DPYS: variants seen among roughly 807,000 people sequenced by gnomAD.
DPYS encodes dihydropyrimidine amidohydrolase.
DPYS carries 39 observed loss-of-function variants against 50.3 expected under a neutral mutation model. The ratio of observed to expected loss-of-function variants is 0.78; its 90% confidence interval spans 0.60 to 1.01. The LOEUF (loss-of-function observed/expected upper bound fraction) is 1.01, where lower values mean the gene tolerates loss of function less well. Among genes scored for constraint, DPYS ranks in the 50% least tolerant of loss-of-function variants. The pLI, the probability that DPYS is intolerant of heterozygous loss-of-function variation, is 0.00. For synonymous variants in DPYS, 245 were observed against 250.7 expected (o/e 0.98, Z 0.22); for missense variants, 659 against 680.9 (o/e 0.97, Z 0.36).
At chr8:104,444,700 CT>C (rs927602624) in intron 3 of DPYS, among the ~76,000 whole-genome samples, 11 of 151,758 alleles carry the variant, frequency 7.2e-5, no homozygotes, top group Middle Eastern at 6.8e-3. Flanking sequence ...TTTACCATCA[CT>C]TTTTTTTATT....
chr8:104,424,850 G>GA lies in DPYS; in HGVS notation c.1093-462dup, dbSNP rs762839487. Reference sequence around the variant, plus strand: ...ACTTTTTTTTTTTTTTTTTGAGATGGAATTTCACTCTCGTTGCCCAGGCTG... The same window carrying GA: ...ACTTTTTTTTTTTTTTTTTGAGATGGAAATTTCACTCTCGTTGCCCAGGCTG... On this transcript the variant is annotated intron_variant, in intron 6 of 9. Coordinates refer to ENST00000351513, the MANE Select transcript of DPYS (RefSeq NM_001385.3). Among the ~76,000 whole-genome samples the GA allele has an allele frequency of 1.1e-3, 155 of 145,654 alleles. 1 individual carries two copies. Among genetic ancestry groups the GA allele is most frequent in the Non-Finnish European group, 1.6e-3 (106 of 66,866 alleles).
At chr8:104,440,110 A>C (rs1289107533) in intron 4 of DPYS, among the ~76,000 whole-genome samples, 1 of 151,362 alleles carries the variant, frequency 6.6e-6, no homozygotes, top group Admixed American at 6.6e-5. Context: ...AAAACCTGAA[A>C]TAAGATAAAA....
At chr8:104,424,521 A>G in intron 6 of DPYS, 132 bp from the exon 7 acceptor site, 1 of 954,196 alleles carries the variant, frequency 1.0e-6, no homozygotes. Flanking sequence ...GCATCTGAGG[A>G]TGCTGGTAAG....
Position 104,444,427 on chromosome 8 carries a change from T to A in DPYS, c.614A>T (p.Lys205Met). 6.2e-7 allele frequency: 1 copy of A among 1,614,206 alleles called. No homozygotes were observed. The highest frequency in any genetic ancestry group is 8.5e-7 in the Non-Finnish European group (1 of 1,180,038). Residue 205 changes from lysine (K) to methionine (M), a missense_variant, in exon 4 of 10, where the codon AAG (lysine) becomes ATG (methionine). Coordinates refer to ENST00000351513, the MANE Select transcript of DPYS (RefSeq NM_001385.3). ...GCCTGTTATCCCCAGAGCCAACATC[T>A]TCTTTGCTCCCTAAAAAGACAGCAG... ...NGDLIAEGAK[K>M]MLALGITGPE...
chr8:104,464,841 A>G (rs1368980426), intron 1 of DPYS, among the ~76,000 whole-genome samples: 1 of 152,230 alleles, frequency 6.6e-6, no homozygotes, highest in African/African-American at 2.4e-5. Context: ...TTGTTTTGAT[A>G]GCTAAAAAAT....
chr8:104,460,732 A>G (rs959338890), intron 1 of DPYS, among the ~76,000 whole-genome samples: 2 of 152,220 alleles, frequency 1.3e-5, no homozygotes, highest in Non-Finnish European at 2.9e-5. Flanking sequence ...CCAAAGCTTT[A>G]GTTAGCATCA....
intron 5 of DPYS, 97 bp from the exon 6 acceptor site, chr8:104,428,218 A>C (rs1812804993): frequency 6.5e-7 from 1 of 1,534,770 alleles, no homozygotes; most frequent in South Asian, 1.1e-5. Context: ...CTCCCTTCTC[A>C]ATTGAAGTCA....
rs185595271 is a variant in DPYS, at chr8:104,429,755, A to G, written c.794-54T>C. ...CTTTAATTTTATTCTTAAGAGGACC[A>G]TATGACAAACACATAAATATTAATC... On this transcript the variant is annotated intron_variant, in intron 4 of 9. Transcript: ENST00000351513. 1,764 of 1,606,746 alleles carry G rather than the reference A, an allele frequency of 1.1e-3. 1 individual carries two copies. Among genetic ancestry groups the G allele is most frequent in the Non-Finnish European group, 1.4e-3 (1,659 of 1,174,252 alleles).
intron 2 of DPYS, 52 bp from the exon 3 acceptor site, chr8:104,447,555 T>A (rs1191610054): frequency 6.3e-7 from 1 of 1,592,182 alleles, no homozygotes; most frequent in Non-Finnish European, 8.6e-7. Flanking sequence ...ATTTAAATGA[T>A]AATTTCAACC....
intron 7 of DPYS, among the ~76,000 whole-genome samples, chr8:104,407,023 C>T (rs1268185848): frequency 6.6e-6 from 1 of 152,210 alleles, no homozygotes; most frequent in East Asian, 1.9e-4. Context: ...AAGCCATGGC[C>T]AAGGCCATCT....
rs1357064060 is a variant in DPYS at position 104,451,452 on chromosome 8, TAAGTC to T, written c.265-53_265-49del. 6.2e-6 allele frequency: 10 copies of T among 1,610,974 alleles called. No individual in the cohort carries two copies. In the African/African-American group the frequency reaches 1.1e-4, roughly 17 times the overall value. ...ACAAATTAGCTATCAATTTCCTAGT[TAAGTC>T]ATTTATCATCTTGAACAATGTGCAT... On this transcript the variant is annotated intron_variant, in intron 1 of 9. Coordinates refer to ENST00000351513, the MANE Select transcript of DPYS (RefSeq NM_001385.3).
intron 7 of DPYS, chr8:104,423,889 T>G (rs1326898753): frequency 1.3e-6 from 1 of 773,288 alleles, no homozygotes; most frequent in African/African-American, 1.9e-5. Flanking sequence ...TGTAATTATT[T>G]TGAGTTTTCA....
intron 4 of DPYS, among the ~76,000 whole-genome samples, chr8:104,439,668 G>A (rs1246481582): frequency 1.3e-5 from 2 of 152,054 alleles, no homozygotes; most frequent in African/African-American, 4.8e-5. Context: ...ATGAGTAGTC[G>A]CAGCTACTTG....
chr8:104,387,364 CA>C (rs554990208), intron 8 of DPYS, among the ~76,000 whole-genome samples: 259 of 152,224 alleles, frequency 1.7e-3, no homozygotes, highest in Non-Finnish European at 2.5e-3. Context: ...AACAAACAAA[CA>C]AACAAAATGC....
chr8:104,412,222 G>A (rs1812206615), intron 7 of DPYS, among the ~76,000 whole-genome samples: 1 of 152,202 alleles, frequency 6.6e-6, no homozygotes, highest in African/African-American at 2.4e-5. Flanking sequence ...CAGGGATGCA[G>A]GCCACGCTCC....
At chr8:104,415,351 T>C (rs943413967) in intron 7 of DPYS, among the ~76,000 whole-genome samples, 1 of 152,226 alleles carries the variant, frequency 6.6e-6, no homozygotes, top group South Asian at 2.1e-4. Context: ...CCAAGCCAAA[T>C]GATCAGTGAT....
intron 7 of DPYS, among the ~76,000 whole-genome samples, chr8:104,414,921 G>A (rs1465546622): frequency 1.3e-5 from 2 of 152,318 alleles, no homozygotes; most frequent in African/African-American, 4.8e-5. Context: ...ACTAGCCACT[G>A]TCTCTGGAAT....
intron 8 of DPYS, among the ~76,000 whole-genome samples, chr8:104,387,285 A>G (rs76673026): frequency 0.012 from 1,902 of 152,310 alleles, 37 homozygotes; most frequent in African/African-American, 0.043. Context: ...AAATATCTCA[A>G]TTTAATCCTT....
At chr8:104,428,236 C>A (rs1476903657) in intron 5 of DPYS, 115 bp from the exon 6 acceptor site, 2 of 1,363,068 alleles carry the variant, frequency 1.5e-6, no homozygotes, top group South Asian at 1.2e-5. Context: ...TCAGAAAAAT[C>A]CAATGGAGAA....
Sources: gnomAD v4.1 joint callset for allele counts (sites outside exome capture counted in the v4.1 genomes callset) on GRCh38, gnomAD v4.1.1 for gene constraint, MANE v1.5 for transcripts, NCBI Gene and HGNC (gene_info 2026-07-23, HGNC 2026-07-21) for gene names.